SETD5: variants seen among roughly 807,000 people sequenced by gnomAD.
SETD5 encodes histone-lysine N-methyltransferase SETD5.
In SETD5, 44 loss-of-function variants were observed where a neutral mutation model predicts 153.3. That is an observed-to-expected ratio of 0.29 (90% CI 0.23 to 0.37). SETD5 has a LOEUF of 0.37. Ranked by LOEUF, SETD5 falls within the 10% of genes least tolerant of loss-of-function variation. The probability of loss-of-function intolerance (pLI) is 1.00; values close to 1 mark genes in which losing one functional copy is unlikely to be tolerated. For missense variants in SETD5, 1,544 were observed against 1,768.0 expected (o/e 0.87, Z 2.27); for synonymous variants, 716 against 645.2 (o/e 1.11, Z -1.66).
In SETD5 at chr3:9,468,374, ATAT is replaced by A. The variant is rs570796852; in HGVS notation, c.2725-2083_2725-2081del. ...CCATTGAGATGAGTTCTGCAGTTAA[ATAT>A]TTCCCCTATGCATTCTTATTCAACT... On this transcript the variant is annotated intron_variant, in intron 18 of 22. Transcript: ENST00000402198. 27 of 444,848 alleles carry A rather than the reference ATAT, an allele frequency of 6.1e-5. 1 individual carries two copies. In the East Asian group the frequency reaches 1.3e-3, roughly 22 times the overall value. The allele number at this position is 444,848 out of a possible 1,614,324, so 27.6% of individuals were successfully genotyped here. A position where few individuals can be genotyped will look rare whatever the true frequency, so the allele number is the denominator to read the frequency against.
Position 9,473,553 on chromosome 3 carries a change from A to T in SETD5, c.3497+16A>T, listed in dbSNP as rs1463598766. On this transcript the variant is annotated intron_variant, in intron 20 of 22. Coordinates refer to ENST00000402198, the MANE Select transcript of SETD5 (RefSeq NM_001080517.3). Reference sequence around the variant, plus strand: ...GCAGTAGGTGGTAAGTTTATATTTGATGTTTTATAGTTAAATTGGGGGTGG... The same window carrying T: ...GCAGTAGGTGGTAAGTTTATATTTGTTGTTTTATAGTTAAATTGGGGGTGG... The T allele has an allele frequency of 1.9e-6, 3 of 1,586,412 alleles. No homozygotes were observed. The highest frequency in any genetic ancestry group is 1.7e-6 in the Non-Finnish European group (2 of 1,163,204).
At chr3:9,399,107 A>G (rs914340540) in intron 1 of SETD5, among the ~76,000 whole-genome samples, 1 of 152,174 alleles carries the variant, frequency 6.6e-6, no homozygotes, top group African/African-American at 2.4e-5. Context: ...GTTCTGTGCT[A>G]ATTACCTTCA....
At chr3:9,408,611 A>G (rs1452687544) in intron 1 of SETD5, among the ~76,000 whole-genome samples, 1 of 149,002 alleles carries the variant, frequency 6.7e-6, no homozygotes, top group Non-Finnish European at 1.5e-5. Flanking sequence ...CCTCTATTAA[A>G]CAACCTCCCC....
chr3:9,406,294 G>A (rs780950760), intron 1 of SETD5, among the ~76,000 whole-genome samples: 16 of 152,184 alleles, frequency 1.1e-4, no homozygotes, highest in Admixed American at 3.3e-4. Context: ...GGCCTTTGAA[G>A]CAGTATGATT....
At chr3:9,417,376 G>A (rs2037622638) in intron 1 of SETD5, among the ~76,000 whole-genome samples, 1 of 152,160 alleles carries the variant, frequency 6.6e-6, no homozygotes, top group African/African-American at 2.4e-5. Context: ...GCATGGATTT[G>A]GACCATGTGG....
rs747650296 is a variant in SETD5 at position 9,475,462 on chromosome 3, T to C, written c.3721-21T>C. The stretch of plus-strand genomic sequence containing the variant: ...AGGGACTTGTTCGCGTCCTTATTCG[T>C]TTCCTCCCAACTTTGTCTAGCTCCT... On this transcript the variant is annotated intron_variant, in intron 22 of 22. Coordinates refer to ENST00000402198, the MANE Select transcript of SETD5 (RefSeq NM_001080517.3). 1.5e-5 allele frequency: 24 copies of C among 1,593,396 alleles called. No homozygotes were observed. The East Asian group carries it at 5.4e-4, about 36-fold the overall frequency.
At position 9,445,731 on chromosome 3, in the gene SETD5, T is replaced by G; in HGVS notation, c.1515T>G (p.His505Gln). 1.2e-6 allele frequency: 2 copies of G among 1,612,126 alleles called. No individual in the cohort carries two copies. The highest frequency in any genetic ancestry group is 1.7e-6 in the Non-Finnish European group (2 of 1,178,996). ...TAGATGACCAGGAGAACCTAGCTCATAGCAGGAGGGTGAGTACTGTCTGAC... is the reference window on the plus strand; with the variant it reads ...TAGATGACCAGGAGAACCTAGCTCAGAGCAGGAGGGTGAGTACTGTCTGAC... ...EVIDDQENLA[H>Q]SRRTREDRKV... The change falls in exon 13 of 23, where the codon CAT (histidine) becomes CAG (glutamine). Residue 505 changes from histidine (H) to glutamine (Q), a missense_variant. This residue lies in a region of SETD5 where 782 missense variants were observed against 787.2 expected (regional missense o/e 0.99). Transcript: ENST00000402198.
intron 10 of SETD5, chr3:9,442,764 G>C (rs1227847117): frequency 5.9e-6 from 1 of 168,948 alleles, no homozygotes; most frequent in African/African-American, 2.4e-5. Flanking sequence ...GCGGCTGGGC[G>C]CAGTGGCTCA....
intron 2 of SETD5, chr3:9,426,028 C>T (rs915754056): frequency 6.6e-6 from 1 of 151,834 alleles, no homozygotes; most frequent in Non-Finnish European, 1.5e-5. Context: ...GACCAACAGC[C>T]CCCAGTATTT....
At chr3:9,443,180 T>C in intron 10 of SETD5, 128 bp from the exon 11 acceptor site, 3 of 695,160 alleles carry the variant, frequency 4.3e-6, no homozygotes, top group Non-Finnish European at 7.4e-6. Context: ...AAATAACAGA[T>C]TACCATAACT....
rs1320350705 is a variant in SETD5, at chr3:9,477,105, C to T, written c.*1014C>T. 6 of 152,576 alleles carry T rather than the reference C, an allele frequency of 3.9e-5. No individual in the cohort carries two copies. Among genetic ancestry groups the T allele is most frequent in the African/African-American group, 2.4e-5 (1 of 41,390 alleles). The allele number at this position is 152,576 out of a possible 1,614,324, so 9.5% of individuals were successfully genotyped here. A position where few individuals can be genotyped will look rare whatever the true frequency, so the allele number is the denominator to read the frequency against. On this transcript the variant is annotated 3_prime_UTR_variant, in exon 23 of 23. Coordinates refer to ENST00000402198, the MANE Select transcript of SETD5 (RefSeq NM_001080517.3). ...GGAAGATAGGTTTGTGGAGTGGCAC[C>T]GACAGGACTGTGATTGTGTGTGGGC...
chr3:9,467,326 A>G (rs536291557), intron 18 of SETD5, among the ~76,000 whole-genome samples: 1 of 152,248 alleles, frequency 6.6e-6, no homozygotes, highest in Admixed American at 6.5e-5. Flanking sequence ...GAAGGTAAGA[A>G]GATAAACAGT....
chr3:9,442,287 A>G (rs2041387305), intron 10 of SETD5, 42 bp downstream of exon 10: 1 of 1,352,864 alleles, frequency 7.4e-7, no homozygotes, highest in East Asian at 2.3e-5. Context: ...GGAACCATCA[A>G]ATGACAAGCT....
intron 7 of SETD5, chr3:9,436,974 G>A: frequency 8.1e-7 from 1 of 1,240,274 alleles, no homozygotes; most frequent in Admixed American, 2.1e-5. Flanking sequence ...TTGATGGTCT[G>A]GGAATCTTGG....
chr3:9,435,967 A>G, intron 7 of SETD5, 61 bp downstream of exon 7: 1 of 1,426,554 alleles, frequency 7.0e-7, no homozygotes, highest in Non-Finnish European at 9.4e-7. Context: ...TTTTGGAGCA[A>G]GAATGCACCA....
chr3:9,445,113 C>G lies in SETD5; in HGVS notation c.1253C>G (p.Pro418Arg). ...AATTGTCCTATACAAAAAAGGAATCCTAATGCTACAGAACTGCCACTCCTA... is the reference window on the plus strand; with the variant it reads ...AATTGTCCTATACAAAAAAGGAATCGTAATGCTACAGAACTGCCACTCCTA... ...NRNCPIQKRN[P>R]NATELPLLPP... is the part of the protein sequence containing the mutation. The change falls in exon 12 of 23, where the codon CCT becomes CGT. Residue 418 changes from proline (P) to arginine (R), a missense_variant. Physicochemically the swap from Pro to Arg is moderately radical, Grantham distance 103. This residue lies in a region of SETD5 where 782 missense variants were observed against 787.2 expected (regional missense o/e 0.99). Transcript: ENST00000402198. 1.2e-6 allele frequency: 2 copies of G among 1,613,908 alleles called. No homozygotes were observed. The highest frequency in any genetic ancestry group is 1.7e-6 in the Non-Finnish European group (2 of 1,179,834).
intron 1 of SETD5, among the ~76,000 whole-genome samples, chr3:9,410,330 A>G (rs2036365930): frequency 2.6e-5 from 4 of 152,204 alleles, no homozygotes. Flanking sequence ...TGGGATCATT[A>G]TCATATGTGG....
At chr3:9,407,521 C>T (rs1197461433) in intron 1 of SETD5, among the ~76,000 whole-genome samples, 2 of 151,972 alleles carry the variant, frequency 1.3e-5, no homozygotes, top group African/African-American at 2.4e-5. Context: ...GTACACCGAG[C>T]AACAAGAGAA....
chr3:9,462,634 G>A (rs968371949), intron 17 of SETD5, among the ~76,000 whole-genome samples: 2 of 151,428 alleles, frequency 1.3e-5, no homozygotes, highest in East Asian at 3.9e-4. Flanking sequence ...GGGGCCAGGC[G>A]TGGTGGCTCA....
Sources: allele counts gnomAD v4.1 joint callset (sites outside exome capture counted in the v4.1 genomes callset), GRCh38; gene constraint gnomAD v4.1.1; regional missense constraint gnomAD v4.1.1; transcripts MANE v1.5; gene names NCBI Gene and HGNC (gene_info 2026-07-23, HGNC 2026-07-21).